GPC6: variants seen among roughly 807,000 people sequenced by gnomAD.
GPC6 encodes glypican 6, also known as glypican-6.
GPC6 carries 14 observed loss-of-function variants against 55.2 expected under a neutral mutation model. The observed-to-expected ratio is 0.25, with a 90% confidence interval of 0.17 to 0.40. GPC6 has a LOEUF of 0.40. Ranked by LOEUF, GPC6 falls within the 10% of genes least tolerant of loss-of-function variation. The probability of loss-of-function intolerance (pLI) is 1.00; values close to 1 mark genes in which losing one functional copy is unlikely to be tolerated. For synonymous variants in GPC6, 278 were observed against 259.6 expected, an observed-to-expected ratio of 1.07 and a Z score of -0.68; for missense variants, 641 against 708.5, an observed-to-expected ratio of 0.90 and a Z score of 1.08.
At chr13:93,251,702 CAT>C (rs1189517259) in intron 1 of GPC6, among the ~76,000 whole-genome samples, 1 of 152,122 alleles carries the variant, frequency 6.6e-6, no homozygotes, top group African/African-American at 2.4e-5. Flanking sequence ...TCCTTCATGA[CAT>C]GTGGTGATAA....
In GPC6 at chr13:93,314,754, T is replaced by TCAC. The variant is rs1566294364; in HGVS notation, c.160+87138_160+87139insCAC. On this transcript the variant is annotated intron_variant, in intron 1 of 8. Transcript: ENST00000377047. ...GTGTGTGTGTGTGTGTGTGTGTGTGTGTGCACGCATGTGCTGAGAAATGAG... is the reference window on the plus strand; with the variant it reads ...GTGTGTGTGTGTGTGTGTGTGTGTGTCACGTGCACGCATGTGCTGAGAAATGAG... 1.9e-3 allele frequency among the ~76,000 whole-genome samples: 281 copies of TCAC among 149,400 alleles called. 8 individuals are homozygous for TCAC. The East Asian group carries it at 0.049, about 26-fold the overall frequency.
At chr13:94,247,911 A>T (rs1448081956) in intron 4 of GPC6, among the ~76,000 whole-genome samples, 1 of 151,908 alleles carries the variant, frequency 6.6e-6, no homozygotes, top group Admixed American at 6.6e-5. Flanking sequence ...AACACAGTGC[A>T]TTGCAGCCTT....
intron 3 of GPC6, among the ~76,000 whole-genome samples, chr13:93,967,286 T>C (rs541862702): frequency 2.6e-4 from 39 of 152,288 alleles, no homozygotes; most frequent in Admixed American, 9.2e-4. Flanking sequence ...ACAGTACAAA[T>C]GAATAGTTAT....
At chr13:93,945,077 T>G (rs1878938265) in intron 3 of GPC6, among the ~76,000 whole-genome samples, 1 of 152,134 alleles carries the variant, frequency 6.6e-6, no homozygotes, top group South Asian at 2.1e-4. Context: ...TTTTTCCTAA[T>G]CCGTATTTCA....
intron 8 of GPC6, among the ~76,000 whole-genome samples, chr13:94,399,371 G>A (rs1169722950): frequency 1.3e-5 from 2 of 152,232 alleles, no homozygotes; most frequent in Admixed American, 6.5e-5. Context: ...AGACTATTAA[G>A]TGAACATTGA....
intron 4 of GPC6, among the ~76,000 whole-genome samples, chr13:94,098,615 C>T (rs942094403): frequency 3.3e-5 from 5 of 151,994 alleles, no homozygotes; most frequent in Admixed American, 3.3e-4. Context: ...ACATTGGTCT[C>T]CTTTAATATG....
At chr13:93,677,879 G>C (rs1376779731) in intron 2 of GPC6, among the ~76,000 whole-genome samples, 1 of 152,038 alleles carries the variant, frequency 6.6e-6, no homozygotes, top group African/African-American at 2.4e-5. Context: ...GGATAATACT[G>C]ATACCTATGT....
chr13:93,266,663 G>A (rs1877335647), intron 1 of GPC6, among the ~76,000 whole-genome samples: 1 of 152,174 alleles, frequency 6.6e-6, no homozygotes. Context: ...TATACAGTTT[G>A]TATTAAGGTT....
chr13:93,584,297 C>T (rs1228382054), intron 2 of GPC6, among the ~76,000 whole-genome samples: 2 of 152,148 alleles, frequency 1.3e-5, no homozygotes, highest in Non-Finnish European at 1.5e-5. Flanking sequence ...GGGAATGCTA[C>T]TCTATATTGT....
chr13:93,400,223 C>T (rs996174326), intron 1 of GPC6, among the ~76,000 whole-genome samples: 18 of 151,948 alleles, frequency 1.2e-4, no homozygotes, highest in Admixed American at 3.3e-4. Context: ...TCCTTTTTAC[C>T]GTCTTCCTTT....
intron 2 of GPC6, among the ~76,000 whole-genome samples, chr13:93,742,540 G>A (rs182564517): frequency 2.0e-5 from 3 of 152,320 alleles, no homozygotes; most frequent in East Asian, 1.9e-4. Flanking sequence ...ATGTGGGCCA[G>A]ATGACAAGAC....
chr13:94,317,006 T>C (rs1876575730), intron 6 of GPC6, among the ~76,000 whole-genome samples: 2 of 152,204 alleles, frequency 1.3e-5, no homozygotes, highest in South Asian at 4.1e-4. Context: ...TGTCTTCTTG[T>C]ACAATATCAG....
chr13:93,818,292 C>A (rs1425676077), intron 2 of GPC6: 3 of 151,844 alleles, frequency 2.0e-5, no homozygotes, highest in Non-Finnish European at 4.4e-5. Context: ...TGAATTTTCA[C>A]ATTTTTCAGT....
chr13:93,296,875 A>G (rs1413261077), intron 1 of GPC6, among the ~76,000 whole-genome samples: 1 of 152,166 alleles, frequency 6.6e-6, no homozygotes, highest in African/African-American at 2.4e-5. Context: ...CAGGAGTCGT[A>G]GCCATCCAAA....
At chr13:93,930,278 T>G (rs1878097957) in intron 3 of GPC6, among the ~76,000 whole-genome samples, 1 of 142,382 alleles carries the variant, frequency 7.0e-6, no homozygotes, top group Admixed American at 7.1e-5. Context: ...ACGAAAGGTT[T>G]TTTTTTTTTT....
rs1018525029 is a variant in GPC6, at chr13:93,296,711, G to A, written c.160+69095G>A. Among the ~76,000 whole-genome samples the A allele has an allele frequency of 5.9e-5, 9 of 152,132 alleles. 1 individual carries two copies. Among genetic ancestry groups the A allele is most frequent in the Non-Finnish European group, 1.0e-4 (7 of 68,028 alleles). ...TGTGGGGGCATCTGAGCCATGAGGA[G>A]GCATTACATAGGCATTAAAAGATGA... On this transcript the variant is annotated intron_variant, in intron 1 of 8. Coordinates refer to ENST00000377047, the MANE Select transcript of GPC6 (RefSeq NM_005708.5).
At chr13:94,066,944 G>A (rs1410078907) in intron 4 of GPC6, among the ~76,000 whole-genome samples, 1 of 152,178 alleles carries the variant, frequency 6.6e-6, no homozygotes, top group Non-Finnish European at 1.5e-5. Flanking sequence ...CAACTGGGTA[G>A]TTTTAATATT....
intron 1 of GPC6, among the ~76,000 whole-genome samples, chr13:93,387,448 A>T (rs535772709): frequency 1.3e-5 from 2 of 152,180 alleles, no homozygotes; most frequent in African/African-American, 4.8e-5. Flanking sequence ...TTCCTGTGTT[A>T]GTTTGCTGAG....
intron 1 of GPC6, among the ~76,000 whole-genome samples, chr13:93,321,466 G>A (rs1346199094): frequency 1.3e-5 from 2 of 152,018 alleles, no homozygotes; most frequent in African/African-American, 4.8e-5. Flanking sequence ...TGTATATAGT[G>A]CAGATTTTAA....
Sources: gnomAD v4.1 joint callset for allele counts (sites outside exome capture counted in the v4.1 genomes callset) on GRCh38, gnomAD v4.1.1 for gene constraint, MANE v1.5 for transcripts, NCBI Gene and HGNC (gene_info 2026-07-23, HGNC 2026-07-21) for gene names.